Variants in NCKAP5 observed in about 807,000 individuals in gnomAD.
NCKAP5 encodes the protein nck-associated protein 5.
NCKAP5 carries 92 observed loss-of-function variants against 167.0 expected under a neutral mutation model. That is an observed-to-expected ratio of 0.55 (90% CI 0.47 to 0.66). The LOEUF is 0.66. Ranked by LOEUF, NCKAP5 falls within the 30% of genes least tolerant of loss-of-function variation. The pLI is 0.00. For synonymous variants in NCKAP5, 891 were observed against 877.4 expected, an observed-to-expected ratio of 1.02 and a Z score of -0.27; for missense variants, 2,378 against 2,315.0, an observed-to-expected ratio of 1.03 and a Z score of -0.56.
At chr2:133,058,158 C>T (rs1237545327) in intron 6 of NCKAP5, among the ~76,000 whole-genome samples, 1 of 152,174 alleles carries the variant, frequency 6.6e-6, no homozygotes, top group Non-Finnish European at 1.5e-5. Context: ...TATCACTGCT[C>T]ACTGACAATG....
intron 16 of NCKAP5, among the ~76,000 whole-genome samples, chr2:132,732,747 G>A (rs1393267360): frequency 1.3e-5 from 2 of 152,124 alleles, no homozygotes; most frequent in South Asian, 2.1e-4. Flanking sequence ...TTGAAGTGAC[G>A]TCCTAACAAT....
chr2:133,603,468 G>A, the NCKAP5 span, among the ~76,000 whole-genome samples: 4 of 151,856 alleles, frequency 2.6e-5, no homozygotes, highest in Admixed American at 6.6e-5. Flanking sequence ...CAGTTGATCC[G>A]CCTATCTCAG....
At chr2:133,161,646 C>G (rs1417509344) in intron 5 of NCKAP5, among the ~76,000 whole-genome samples, 1 of 152,104 alleles carries the variant, frequency 6.6e-6, no homozygotes, top group Non-Finnish European at 1.5e-5. Flanking sequence ...AGCCCTGCAA[C>G]CCTTAGGTGG....
chr2:133,075,648 A>G (rs1342460080), intron 6 of NCKAP5, among the ~76,000 whole-genome samples: 4 of 152,218 alleles, frequency 2.6e-5, no homozygotes, highest in Non-Finnish European at 4.4e-5. Flanking sequence ...AACTCTAAGT[A>G]GACCATGAAA....
At chr2:133,291,960 C>G (rs541459203) in intron 4 of NCKAP5, among the ~76,000 whole-genome samples, 69 of 152,028 alleles carry the variant, frequency 4.5e-4, no homozygotes, top group Non-Finnish European at 8.7e-4. Context: ...GGAAAAAATG[C>G]ATTTTGTATT....
intron 5 of NCKAP5, among the ~76,000 whole-genome samples, chr2:133,191,012 A>C (rs2085194222): frequency 6.6e-6 from 1 of 152,186 alleles, no homozygotes; most frequent in Admixed American, 6.5e-5. Context: ...AAATTTTTGC[A>C]TTCTACCCAT....
intron 4 of NCKAP5, among the ~76,000 whole-genome samples, chr2:133,258,522 G>A (rs759969647): frequency 1.3e-5 from 2 of 152,120 alleles, no homozygotes; most frequent in Non-Finnish European, 2.9e-5. Context: ...TGGGCAGATT[G>A]CTTGAGCCTA....
At chr2:133,673,624 C>CT in the NCKAP5 span, among the ~76,000 whole-genome samples, 2 of 152,156 alleles carry the variant, frequency 1.3e-5, no homozygotes, top group African/African-American at 4.8e-5. Flanking sequence ...TCAGGACAAA[C>CT]TTAATGGGTA....
intron 6 of NCKAP5, among the ~76,000 whole-genome samples, chr2:133,025,989 C>T (rs547208535): frequency 5.3e-5 from 8 of 152,260 alleles, no homozygotes; most frequent in South Asian, 2.1e-4. Context: ...CCCTCTCCTC[C>T]GACAGGCCCC....
chr2:132,867,550 C>T (rs931456306), intron 10 of NCKAP5, among the ~76,000 whole-genome samples: 9 of 152,126 alleles, frequency 5.9e-5, no homozygotes, highest in Non-Finnish European at 1.2e-4. Context: ...TGGAAGTGTC[C>T]TTTAAAAGAC....
At chr2:133,637,712 C>T in the NCKAP5 span, among the ~76,000 whole-genome samples, 2 of 151,706 alleles carry the variant, frequency 1.3e-5, no homozygotes, top group Admixed American at 6.6e-5. Flanking sequence ...CAAATAGAAC[C>T]AATGACATGA....
intron 2 of NCKAP5, among the ~76,000 whole-genome samples, chr2:133,558,724 A>AAAAAAAAAAAC (rs1558784768): frequency 6.8e-6 from 1 of 147,360 alleles, no homozygotes; most frequent in Non-Finnish European, 1.5e-5. Flanking sequence ...AAAAAAAAAA[A>AAAAAAAAAAAC]AAGCCCATAT....
At chr2:133,334,412 G>A (rs1330973662) in intron 3 of NCKAP5, among the ~76,000 whole-genome samples, 3 of 152,114 alleles carry the variant, frequency 2.0e-5, no homozygotes, top group Admixed American at 6.6e-5. Flanking sequence ...GCACTTTTAT[G>A]TTCATCATCT....
intron 3 of NCKAP5, among the ~76,000 whole-genome samples, chr2:133,367,924 C>T (rs1045248436): frequency 6.6e-6 from 1 of 152,100 alleles, no homozygotes. Context: ...GGGCTGTGCA[C>T]CTGTGTGATG....
chr2:133,437,804 A>T (rs1260252619), intron 3 of NCKAP5, among the ~76,000 whole-genome samples: 1 of 152,226 alleles, frequency 6.6e-6, no homozygotes, highest in Non-Finnish European at 1.5e-5. Flanking sequence ...TAAGGATGTT[A>T]AAAGTGCCTA....
chr2:133,575,586 G>A, the NCKAP5 span, among the ~76,000 whole-genome samples: 21 of 152,292 alleles, frequency 1.4e-4, no homozygotes, highest in African/African-American at 4.8e-4. Flanking sequence ...TAAGAAGAGT[G>A]TAGACAGTAT....
chr2:133,481,175 G>A lies in NCKAP5; in HGVS notation c.69+36283C>T, dbSNP rs1231196798. Among the ~76,000 whole-genome samples the A allele has an allele frequency of 3.3e-5, 5 of 152,250 alleles. No individual in the cohort carries two copies. The South Asian group carries it at 8.3e-4, about 25-fold the overall frequency. ...GAAACATCTGACAGTATTATTAAAC[G>A]GCTCTTGAAAAACAAACATTATGGA... On this transcript the variant is annotated intron_variant, in intron 3 of 19. Transcript: ENST00000409261.
At chr2:132,798,395 C>T (rs534754618) in intron 11 of NCKAP5, among the ~76,000 whole-genome samples, 5 of 152,106 alleles carry the variant, frequency 3.3e-5, no homozygotes, top group African/African-American at 1.2e-4. Context: ...GAGAGAGTGC[C>T]AAAAGAATTA....
At chr2:132,725,105 G>A (rs986385981) in intron 19 of NCKAP5, among the ~76,000 whole-genome samples, 1 of 152,182 alleles carries the variant, frequency 6.6e-6, no homozygotes, top group Non-Finnish European at 1.5e-5. Flanking sequence ...AGTACCATCT[G>A]AATAGACATA....
Sources: allele counts gnomAD v4.1 joint callset (sites outside exome capture counted in the v4.1 genomes callset), GRCh38; gene constraint gnomAD v4.1.1; transcripts MANE v1.5; gene names NCBI Gene and HGNC (gene_info 2026-07-23, HGNC 2026-07-21).